Variants in ESRRG observed in about 807,000 individuals in gnomAD.
ESRRG encodes estrogen-related receptor gamma.
A neutral mutation model predicts 44.0 loss-of-function variants in ESRRG; 13 were observed. The ratio of observed to expected loss-of-function variants is 0.30; its 90% CI spans 0.19 to 0.47. The LOEUF (loss-of-function observed/expected upper bound fraction) is 0.47, where lower values mean the gene tolerates loss of function less well. Among genes scored for constraint, ESRRG ranks in the 20% least tolerant of loss-of-function variants. ESRRG has a pLI of 1.00. For missense variants in ESRRG, 395 were observed against 580.6 expected (o/e 0.68, Z 3.29); for synonymous variants, 215 against 214.6 (o/e 1.00, Z -0.02).
chr1:216,731,247 G>A (rs1354543467), intron 2 of ESRRG, among the ~76,000 whole-genome samples: 1 of 152,202 alleles, frequency 6.6e-6, no homozygotes, highest in African/African-American at 2.4e-5. Flanking sequence ...TTGGTTAAAT[G>A]TTGACAAGGA....
At chr1:216,704,086 T>C (rs985045344) in intron 1 of ESRRG, among the ~76,000 whole-genome samples, 3 of 152,186 alleles carry the variant, frequency 2.0e-5, no homozygotes, top group Non-Finnish European at 2.9e-5. Context: ...TTTTCATGTG[T>C]GTTCCGTTCC....
At chr1:217,104,448 T>A (rs1321885246) in intron 1 of ESRRG, among the ~76,000 whole-genome samples, 3 of 152,220 alleles carry the variant, frequency 2.0e-5, no homozygotes, top group Non-Finnish European at 4.4e-5. Flanking sequence ...GCTCTATCAC[T>A]CACCAGCCGA....
chr1:216,833,212 T>A (rs1405513248), intron 2 of ESRRG, among the ~76,000 whole-genome samples: 2 of 143,154 alleles, frequency 1.4e-5, no homozygotes, highest in Non-Finnish European at 3.1e-5. Flanking sequence ...GAAAATTGCA[T>A]ATTTTCTAAA....
chr1:217,009,180 C>T (rs1292038972), intron 1 of ESRRG, among the ~76,000 whole-genome samples: 1 of 152,140 alleles, frequency 6.6e-6, no homozygotes, highest in East Asian at 1.9e-4. Flanking sequence ...TGCTTGAAAC[C>T]AGGTATTACC....
intron 2 of ESRRG, among the ~76,000 whole-genome samples, chr1:216,842,241 T>C (rs2148883748): frequency 6.6e-6 from 1 of 152,310 alleles, no homozygotes; most frequent in Non-Finnish European, 1.5e-5. Context: ...TTTTCATTTT[T>C]TGTCTCAGAG....
At chr1:216,642,963 A>C (rs2066748779) in intron 3 of ESRRG, among the ~76,000 whole-genome samples, 4 of 152,230 alleles carry the variant, frequency 2.6e-5, no homozygotes, top group Admixed American at 2.6e-4. Flanking sequence ...CCTGGAAAAC[A>C]CTACGCTCTT....
chr1:216,771,652 G>T (rs543891792), intron 2 of ESRRG, among the ~76,000 whole-genome samples: 1 of 152,146 alleles, frequency 6.6e-6, no homozygotes, highest in Non-Finnish European at 1.5e-5. Flanking sequence ...CTTATGTACT[G>T]CAAGAACAAT....
chr1:216,633,122 G>T (rs1392717190), intron 3 of ESRRG, among the ~76,000 whole-genome samples: 1 of 152,174 alleles, frequency 6.6e-6, no homozygotes, highest in Non-Finnish European at 1.5e-5. Flanking sequence ...AAGAAATGCT[G>T]GGATGGCATT....
At chr1:216,611,771 A>T (rs2060710031) in intron 3 of ESRRG, among the ~76,000 whole-genome samples, 1 of 152,098 alleles carries the variant, frequency 6.6e-6, no homozygotes, top group Non-Finnish European at 1.5e-5. Flanking sequence ...AAAAAAAAAA[A>T]TTCCTATGGG....
At position 216,693,236 on chromosome 1, in the gene ESRRG, CT is replaced by C. The variant is rs565969577; in HGVS notation, c.57-15746del. On this transcript the variant is annotated intron_variant, in intron 1 of 6. Coordinates refer to ENST00000408911, the MANE Select transcript of ESRRG (RefSeq NM_001438.4). Reference sequence around the variant, plus strand: ...CTATTTCTATAATTACAGTTAACATCTTTTTTTGTGTGTGTAATTTAAAATT... The same window carrying C: ...CTATTTCTATAATTACAGTTAACATCTTTTTTGTGTGTGTAATTTAAAATT... 3.7e-3 allele frequency among the ~76,000 whole-genome samples: 559 copies of C among 152,216 alleles called. 1 individual carries two copies. The highest frequency in any genetic ancestry group is 5.8e-3 in the Non-Finnish European group (397 of 68,026).
chr1:216,648,000 G>A (rs1170659612), intron 3 of ESRRG, among the ~76,000 whole-genome samples: 1 of 152,170 alleles, frequency 6.6e-6, no homozygotes, highest in Non-Finnish European at 1.5e-5. Flanking sequence ...TGGTCAACAC[G>A]GGGGTTGTAG....
intron 5 of ESRRG, among the ~76,000 whole-genome samples, chr1:216,558,856 G>GT (rs938519477): frequency 2.0e-4 from 31 of 151,490 alleles, no homozygotes; most frequent in African/African-American, 7.0e-4. Flanking sequence ...TCTGTTTTTT[G>GT]TTTTTTGTTT....
At chr1:217,031,472 A>G (rs935835352) in intron 1 of ESRRG, among the ~76,000 whole-genome samples, 1 of 152,262 alleles carries the variant, frequency 6.6e-6, no homozygotes, top group African/African-American at 2.4e-5. Context: ...ATGCTTACAC[A>G]CATTTCAACC....
At chr1:216,815,718 C>T (rs1336907747) in intron 2 of ESRRG, among the ~76,000 whole-genome samples, 2 of 152,188 alleles carry the variant, frequency 1.3e-5, no homozygotes, top group African/African-American at 2.4e-5. Flanking sequence ...CTCAGATTTC[C>T]GCCGCACTGA....
intron 1 of ESRRG, among the ~76,000 whole-genome samples, chr1:216,721,282 T>A (rs1237607938): frequency 6.6e-6 from 1 of 152,232 alleles, no homozygotes; most frequent in African/African-American, 2.4e-5. Flanking sequence ...ACTGTATAAC[T>A]CTGGTTTCAT....
chr1:216,951,795 T>C (rs1447084406), intron 1 of ESRRG, among the ~76,000 whole-genome samples: 1 of 151,450 alleles, frequency 6.6e-6, no homozygotes, highest in East Asian at 1.9e-4. Flanking sequence ...TAAATATGCT[T>C]AAATAATTGT....
At chr1:217,104,156 C>T (rs534874404) in intron 1 of ESRRG, among the ~76,000 whole-genome samples, 13 of 152,280 alleles carry the variant, frequency 8.5e-5, no homozygotes, top group East Asian at 3.9e-4. Flanking sequence ...TGTTCTTCCA[C>T]CTTTTACTAA....
intron 2 of ESRRG, among the ~76,000 whole-genome samples, chr1:216,833,998 C>A (rs527686403): frequency 6.6e-6 from 1 of 152,140 alleles, no homozygotes; most frequent in African/African-American, 2.4e-5. Flanking sequence ...ACAGTTATCA[C>A]GGGGACACCA....
At chr1:217,127,327 G>A (rs867019428) in intron 1 of ESRRG, among the ~76,000 whole-genome samples, 2 of 152,144 alleles carry the variant, frequency 1.3e-5, no homozygotes, top group South Asian at 2.1e-4. Context: ...AGTAACAAAC[G>A]TGATTAATGA....
Sources: allele counts gnomAD v4.1 joint callset (sites outside exome capture counted in the v4.1 genomes callset), GRCh38; gene constraint gnomAD v4.1.1; transcripts MANE v1.5; gene names NCBI Gene and HGNC (gene_info 2026-07-23, HGNC 2026-07-21).